The following PURG variants were observed in gnomAD, a reference collection of about 807,000 sequenced individuals.
The protein encoded by PURG is purine-rich element-binding protein gamma.
PURG carries 3 observed loss-of-function variants against 24.3 expected under a neutral mutation model. That is an observed-to-expected ratio of 0.12 (90% CI 0.06 to 0.32). PURG has a LOEUF of 0.32. Among genes scored for constraint, PURG ranks in the 10% least tolerant of loss-of-function variants. The pLI is 1.00. For missense variants in PURG, 371 were observed against 439.1 expected (o/e 0.84, Z 1.39); for synonymous variants, 180 against 173.1 (o/e 1.04, Z -0.31).
chr8:31,019,191 A>G (rs1426077506), intron 1 of PURG, among the ~76,000 whole-genome samples: 1 of 115,212 alleles, frequency 8.7e-6, no homozygotes, highest in Non-Finnish European at 1.7e-5. Context: ...ATATATATAT[A>G]TATGGCTTTA....
intron 1 of PURG, among the ~76,000 whole-genome samples, chr8:30,997,463 T>A (rs550367659): frequency 6.6e-6 from 1 of 151,814 alleles, no homozygotes; most frequent in Non-Finnish European, 1.5e-5. Context: ...TTGTGTTTGG[T>A]CTCCCCTTCA....
At chr8:31,019,930 G>A (rs1000377512) in intron 1 of PURG, among the ~76,000 whole-genome samples, 1 of 151,780 alleles carries the variant, frequency 6.6e-6, no homozygotes, top group African/African-American at 2.4e-5. Context: ...CACCACTTTG[G>A]GAGGCCAAGG....
At chr8:31,011,730 TTAAAGC>T (rs1461600627) in intron 1 of PURG, among the ~76,000 whole-genome samples, 1 of 152,220 alleles carries the variant, frequency 6.6e-6, no homozygotes, top group African/African-American at 2.4e-5. Context: ...CATGGCACAC[TTAAAGC>T]TAATGGCAGT....
chr8:31,007,973 G>A (rs572412730), intron 1 of PURG, among the ~76,000 whole-genome samples: 38 of 152,116 alleles, frequency 2.5e-4, no homozygotes, highest in Non-Finnish European at 4.1e-4. Flanking sequence ...AATTTTGATG[G>A]AGTCTAATGT....
At chr8:30,998,301 A>C (rs1353766272) in intron 1 of PURG, among the ~76,000 whole-genome samples, 1 of 151,806 alleles carries the variant, frequency 6.6e-6, no homozygotes, top group East Asian at 1.9e-4. Flanking sequence ...TTTTTGAATT[A>C]ACACATTATA....
chr8:31,002,129 T>C (rs1810548694), intron 1 of PURG, among the ~76,000 whole-genome samples: 1 of 152,208 alleles, frequency 6.6e-6, no homozygotes, highest in African/African-American at 2.4e-5. Context: ...AAGGCAGTTA[T>C]ACATATATAC....
rs776949796 is a variant in PURG, at chr8:31,032,670, T to A, written c.113A>T (p.His38Leu). 31 of 1,557,296 alleles carry A rather than the reference T, an allele frequency of 2.0e-5. No homozygotes were observed. The highest frequency in any genetic ancestry group is 3.7e-5 in the Admixed American group (2 of 53,772). ...SRLYPQAQHSHYPHYAASATP... is the reference protein window; with the variant it reads ...SRLYPQAQHSLYPHYAASATP... ...GGCTGAGGCCGCGTAGTGGGGGTAG[T>A]GGGAGTGCTGGGCCTGGGGATAGAG... The change falls in exon 2 of 2, where the codon CAC (histidine) becomes CTC (leucine). Residue 38 changes from histidine to leucine, a missense_variant. By Grantham distance (99) the His-to-Leu change is moderately conservative. Coordinates refer to ENST00000523392, the MANE Select transcript of PURG (RefSeq NM_001323311.2). The surrounding 1 kb of genome is among the most constrained non-coding windows in gnomAD (Gnocchi z 5.9).
chr8:31,024,843 G>C lies in PURG; in HGVS notation c.864+7076C>G, dbSNP rs117776458. On this transcript the variant is annotated intron_variant, in intron 1 of 1. Transcript: ENST00000339382. Reference sequence around the variant, plus strand: ...CTTTTTTTCCCCAGTCTTACACTTTGAGCAACTCTTTTAAATACTATAAAC... The same window carrying C: ...CTTTTTTTCCCCAGTCTTACACTTTCAGCAACTCTTTTAAATACTATAAAC... 7.9e-3 allele frequency among the ~76,000 whole-genome samples: 1,208 copies of C among 151,950 alleles called. 7 individuals are homozygous for C. The highest frequency in any genetic ancestry group is 0.017 in the Middle Eastern group (5 of 294).
intron 1 of PURG, among the ~76,000 whole-genome samples, chr8:31,018,619 T>G (rs568389520): frequency 6.6e-6 from 1 of 152,224 alleles, no homozygotes; most frequent in African/African-American, 2.4e-5. Context: ...CCTGTAATGA[T>G]CCATTTGAGT....
rs1479221599 is a variant in PURG, at chr8:31,032,715, G to C, written c.68C>G (p.Ser23Cys). 9.4e-6 allele frequency: 14 copies of C among 1,493,418 alleles called. No homozygotes were observed. Among genetic ancestry groups the C allele is most frequent in the Non-Finnish European group, 1.2e-5 (14 of 1,122,318 alleles). 92.5% of individuals were successfully genotyped at this position (1,493,418 alleles called of 1,614,324 possible). Residue 23 changes from serine to cysteine, a missense_variant, in exon 2 of 2, where the codon TCT becomes TGT. This residue lies in a region of PURG where 213 missense variants were observed against 230.6 expected (regional missense o/e 0.92). Coordinates refer to ENST00000523392, the MANE Select transcript of PURG (RefSeq NM_001323311.2). The surrounding 1 kb of genome is among the most constrained non-coding windows in gnomAD (Gnocchi z 5.9). ...RGRGGKNVGG[S>C]GLSKSRLYPQ... ...ATAGAGTCTACTCTTGCTTAGGCCA[G>C]AGCCCCCTACATTCTTGCCTCCGCG...
chr8:31,020,955 C>A (rs1810978399), intron 1 of PURG, among the ~76,000 whole-genome samples: 1 of 152,194 alleles, frequency 6.6e-6, no homozygotes, highest in Non-Finnish European at 1.5e-5. Flanking sequence ...GGCCAGCAAT[C>A]TGTGGTTTAA....
chr8:31,005,445 A>AG (rs1554511614), intron 1 of PURG, among the ~76,000 whole-genome samples: 1 of 151,710 alleles, frequency 6.6e-6, no homozygotes, highest in Non-Finnish European at 1.5e-5. Context: ...AAACAAAAAA[A>AG]AAAAGAAAAG....
chr8:31,014,089 C>A (rs1460749370), intron 1 of PURG, among the ~76,000 whole-genome samples: 1 of 151,904 alleles, frequency 6.6e-6, no homozygotes, highest in Non-Finnish European at 1.5e-5. Flanking sequence ...TATGTTGCAG[C>A]AGATCATTAA....
Position 31,032,534 on chromosome 8 carries a change from G to A in PURG, c.249C>T (p.Arg83=). 1 of 1,614,242 alleles carries A rather than the reference G, an allele frequency of 6.2e-7. No individual in the cohort carries two copies. Among genetic ancestry groups the A allele is most frequent in the Non-Finnish European group, 8.5e-7 (1 of 1,180,040 alleles). Residue 83 remains arginine (R), a synonymous_variant, in exon 2 of 2, where the codon CGC becomes CGT. Coordinates refer to ENST00000523392, the MANE Select transcript of PURG (RefSeq NM_001323311.2). This position sits in a 1 kb window ranked among gnomAD's most constrained non-coding sequence, Gnocchi z 5.9. ...YLDVKQSSRG[R]FLKIAEVWIG... ...TCCAGACTTCGGCTATCTTTAGGAAGCGGCCCCGGGAGCTTTGCTTCACGT... is the reference window on the plus strand; with the variant it reads ...TCCAGACTTCGGCTATCTTTAGGAAACGGCCCCGGGAGCTTTGCTTCACGT...
downstream of PURG, among the ~76,000 whole-genome samples, chr8:31,030,534 A>G (rs1047566247): frequency 1.3e-5 from 2 of 152,020 alleles, no homozygotes; most frequent in African/African-American, 4.8e-5. Flanking sequence ...AGTCTTGTGT[A>G]AAGTCAGAAA....
At chr8:31,015,100 A>G (rs187651141) in intron 1 of PURG, among the ~76,000 whole-genome samples, 2 of 152,344 alleles carry the variant, frequency 1.3e-5, no homozygotes, top group Admixed American at 1.3e-4. Flanking sequence ...TTAAGAAAAC[A>G]TATTGCTTAT....
downstream of PURG, among the ~76,000 whole-genome samples, chr8:31,029,457 T>C (rs975086297): frequency 2.6e-5 from 4 of 151,770 alleles, no homozygotes; most frequent in African/African-American, 9.7e-5. Context: ...AAGTCTGACA[T>C]GGTATTGTAT....
At chr8:31,001,147 A>C (rs1253227574) in intron 1 of PURG, among the ~76,000 whole-genome samples, 1 of 152,196 alleles carries the variant, frequency 6.6e-6, no homozygotes, top group Non-Finnish European at 1.5e-5. Context: ...ATAATACCCA[A>C]AATAATACAA....
chr8:31,006,042 GC>G (rs1810642013), intron 1 of PURG, among the ~76,000 whole-genome samples: 1 of 152,120 alleles, frequency 6.6e-6, no homozygotes, highest in African/African-American at 2.4e-5. Context: ...CACGTTGAAT[GC>G]CAGTGTCTGG....
Sources: allele counts gnomAD v4.1 joint callset (sites outside exome capture counted in the v4.1 genomes callset), GRCh38; gene constraint gnomAD v4.1.1; regional missense constraint gnomAD v4.1.1; non-coding constraint Gnocchi (gnomAD v3.1); transcripts MANE v1.5; gene names NCBI Gene and HGNC (gene_info 2026-07-23, HGNC 2026-07-21).